Variants in KCNK9 observed in about 807,000 individuals in gnomAD.
KCNK9 encodes potassium channel subfamily K member 9.
A neutral mutation model predicts 10.8 loss-of-function variants in KCNK9; 1 was observed. The observed-to-expected ratio is 0.09, with a 90% CI of 0.03 to 0.44. The LOEUF (loss-of-function observed/expected upper bound fraction) is 0.44. KCNK9 is among the 20% of genes least tolerant of loss of function. The probability of loss-of-function intolerance (pLI) is 0.97; values close to 1 mark genes in which losing one functional copy is unlikely to be tolerated. For missense variants in KCNK9, 303 were observed against 515.0 expected (o/e 0.59, Z 3.98); for synonymous variants, 231 against 222.7 (o/e 1.04, Z -0.33).
chr8:139,628,740 G>T (rs1407734322), intron 1 of KCNK9, among the ~76,000 whole-genome samples: 1 of 152,230 alleles, frequency 6.6e-6, no homozygotes, highest in East Asian at 1.9e-4. Flanking sequence ...CTTAAGGGGG[G>T]AAATGGACTA....
chr8:139,629,114 C>G (rs571383643), intron 1 of KCNK9, among the ~76,000 whole-genome samples: 2 of 152,238 alleles, frequency 1.3e-5, no homozygotes, highest in African/African-American at 2.4e-5. Flanking sequence ...TTAAATGAAG[C>G]GTCTTCATCC....
At chr8:139,658,628 A>G (rs1048983441) in intron 1 of KCNK9, among the ~76,000 whole-genome samples, 2 of 152,188 alleles carry the variant, frequency 1.3e-5, no homozygotes, top group Non-Finnish European at 2.9e-5. Context: ...CACACCCACC[A>G]AGAAACAAGA....
At chr8:139,641,879 G>A (rs1195989452) in intron 1 of KCNK9, among the ~76,000 whole-genome samples, 1 of 152,164 alleles carries the variant, frequency 6.6e-6, no homozygotes, top group Non-Finnish European at 1.5e-5. Context: ...TGAGCACTCA[G>A]GGAGTAGTCA....
intron 1 of KCNK9, among the ~76,000 whole-genome samples, chr8:139,627,139 G>C (rs947203729): frequency 6.6e-6 from 1 of 152,162 alleles, no homozygotes; most frequent in African/African-American, 2.4e-5. Flanking sequence ...TCCTCTAAGC[G>C]TTAACCTTCC....
At position 139,618,544 on chromosome 8, in the gene KCNK9, C is replaced by T. The variant is rs750174835; in HGVS notation, c.839G>A (p.Arg280Gln). 5 of 1,613,534 alleles carry T rather than the reference C, an allele frequency of 3.1e-6. No individual in the cohort carries two copies. The highest frequency in any genetic ancestry group is 1.1e-5 in the South Asian group (1 of 91,066). The change falls in exon 2 of 2, where the codon CGG (arginine) becomes CAG (glutamine). Residue 280 changes from arginine to glutamine, a missense_variant. Physicochemically the swap from Arg to Gln is conservative, Grantham distance 43. This residue lies in a region of KCNK9 where 138 missense variants were observed against 161.1 expected (regional missense o/e 0.86). Transcript: ENST00000520439. The surrounding 1 kb of genome is among the most constrained non-coding windows in gnomAD (Gnocchi z 7.9). ...CGCCTTGTACCTGGGCCGGCTGGGC[C>T]GCGGCTCCTCAGGGATGTGAATGAC... is the stretch of plus-strand genomic sequence containing the variant. Reference protein sequence around the residue: ...SMVIHIPEEPRPSRPRYKADV... With the variant: ...SMVIHIPEEPQPSRPRYKADV...
intron 1 of KCNK9, among the ~76,000 whole-genome samples, chr8:139,671,983 A>G (rs1816439313): frequency 6.6e-6 from 1 of 152,188 alleles, no homozygotes; most frequent in Admixed American, 6.5e-5. Flanking sequence ...AAATGTTAAC[A>G]CACTCGCAGT....
chr8:139,687,434 T>A (rs1200469782), intron 1 of KCNK9, among the ~76,000 whole-genome samples: 1 of 144,778 alleles, frequency 6.9e-6, no homozygotes, highest in African/African-American at 2.5e-5. Context: ...ACATATATAT[T>A]CATATATATG....
chr8:139,654,464 C>A (rs1047611711), intron 1 of KCNK9, among the ~76,000 whole-genome samples: 1 of 152,226 alleles, frequency 6.6e-6, no homozygotes, highest in Non-Finnish European at 1.5e-5. Context: ...ATCCCCACCC[C>A]CTTCCTGAGC....
At chr8:139,666,340 A>T (rs1816300131) in intron 1 of KCNK9, among the ~76,000 whole-genome samples, 1 of 152,206 alleles carries the variant, frequency 6.6e-6, no homozygotes, top group Non-Finnish European at 1.5e-5. Flanking sequence ...ACCATGTACT[A>T]AGCACGGCGC....
chr8:139,676,486 A>G (rs1300662126), intron 1 of KCNK9, among the ~76,000 whole-genome samples: 1 of 152,216 alleles, frequency 6.6e-6, no homozygotes, highest in African/African-American at 2.4e-5. Flanking sequence ...GATGTCTCAG[A>G]ATAGGGCTAC....
chr8:139,617,098 A>G (rs1016570824), downstream of KCNK9: 1 of 152,216 alleles, frequency 6.6e-6, no homozygotes, highest in African/African-American at 2.4e-5. Context: ...CTATTTACAA[A>G]TCAAATGCAA....
At chr8:139,642,122 C>T (rs1421510086) in intron 1 of KCNK9, among the ~76,000 whole-genome samples, 1 of 152,186 alleles carries the variant, frequency 6.6e-6, no homozygotes, top group Non-Finnish European at 1.5e-5. Flanking sequence ...GAAGTGTCCT[C>T]CTGTTAGCCA....
chr8:139,601,311 G>A (rs1314317672), exon 3 of KCNK9: 2 of 152,220 alleles, frequency 1.3e-5, no homozygotes, highest in African/African-American at 4.8e-5. Flanking sequence ...AGCGAGCCAG[G>A]CACCTTGAGC....
chr8:139,658,942 A>T (rs118107915), intron 1 of KCNK9, among the ~76,000 whole-genome samples: 14 of 152,354 alleles, frequency 9.2e-5, no homozygotes, highest in African/African-American at 1.4e-4. Flanking sequence ...GGAAGGACTA[A>T]GGTTTGCTGA....
At chr8:139,654,681 G>A (rs929286877) in intron 1 of KCNK9, among the ~76,000 whole-genome samples, 1 of 152,206 alleles carries the variant, frequency 6.6e-6, no homozygotes, top group Non-Finnish European at 1.5e-5. Flanking sequence ...CCAGGCACCT[G>A]AGGATACTGT....
rs1210777564 is a variant in KCNK9 at position 139,703,030 on chromosome 8, G to T, written c.-38C>A. On this transcript the variant is annotated 5_prime_UTR_variant, in exon 1 of 2. Transcript: ENST00000520439. This position sits in a 1 kb window ranked among gnomAD's most constrained non-coding sequence, Gnocchi z 6.4. ...GGAGCCGGCGCGGGGGGCATGTCCCGCAGGCTCACAGCCGCGCGCGTCCCA... is the reference window on the plus strand; with the variant it reads ...GGAGCCGGCGCGGGGGGCATGTCCCTCAGGCTCACAGCCGCGCGCGTCCCA... The T allele has an allele frequency of 9.1e-6, 14 of 1,537,106 alleles. No homozygotes were observed. Among genetic ancestry groups the T allele is most frequent in the Non-Finnish European group, 3.5e-6 (4 of 1,145,560 alleles).
intron 1 of KCNK9, among the ~76,000 whole-genome samples, chr8:139,655,532 C>A (rs556923212): frequency 6.6e-6 from 1 of 152,288 alleles, no homozygotes; most frequent in Admixed American, 6.5e-5. Context: ...AGGGCAGCAG[C>A]ACCATCCCAG....
rs550489946 is a variant in KCNK9 at position 139,660,902 on chromosome 8, A to G, written c.284-41803T>C. Among the ~76,000 whole-genome samples the G allele has an allele frequency of 2.0e-5, 3 of 152,256 alleles. No homozygotes were observed. In the South Asian group the frequency reaches 6.2e-4, roughly 32 times the overall value. ...GAGGACCCAGTTGCTTCCACTTTGA[A>G]AGCCCTTATTTCCCCTGTCCTCTGG... On this transcript the variant is annotated intron_variant, in intron 1 of 1. Coordinates refer to ENST00000520439, the MANE Select transcript of KCNK9 (RefSeq NM_001282534.2).
At chr8:139,649,737 AACCC>A (rs1815801384) in intron 1 of KCNK9, among the ~76,000 whole-genome samples, 1 of 152,226 alleles carries the variant, frequency 6.6e-6, no homozygotes, top group African/African-American at 2.4e-5. Context: ...TCAGCTGTGT[AACCC>A]TGGGGGGAAA....
Sources: gnomAD v4.1 joint callset for allele counts (sites outside exome capture counted in the v4.1 genomes callset) on GRCh38, gnomAD v4.1.1 for gene constraint, gnomAD v4.1.1 regional missense constraint, Gnocchi (gnomAD v3.1) non-coding constraint, MANE v1.5 for transcripts, NCBI Gene and HGNC (gene_info 2026-07-23, HGNC 2026-07-21) for gene names.